Variants in KDR observed in about 807,000 individuals in gnomAD.
KDR encodes vascular endothelial growth factor receptor 2.
Under a neutral mutation model 160.9 loss-of-function variants are expected in KDR, and 43 were observed. The ratio of observed to expected loss-of-function variants is 0.27; its 90% CI spans 0.21 to 0.34. KDR has a LOEUF of 0.34. Among genes scored for constraint, KDR ranks in the 10% least tolerant of loss-of-function variants. KDR has a pLI of 1.00. For synonymous variants in KDR, 617 were observed against 600.1 expected, an observed-to-expected ratio of 1.03 and a Z score of -0.41; for missense variants, 1,469 against 1,666.4, an observed-to-expected ratio of 0.88 and a Z score of 2.06.
chr4:55,083,626 G>A (rs1436627957), intron 27 of KDR, among the ~76,000 whole-genome samples: 1 of 151,846 alleles, frequency 6.6e-6, no homozygotes, highest in African/African-American at 2.4e-5. Context: ...CCAAGTGGAG[G>A]GAAGGGAAGT....
At chr4:55,120,975 C>A in intron 2 of KDR, 122 bp downstream of exon 2, 1 of 670,084 alleles carries the variant, frequency 1.5e-6, no homozygotes, top group Non-Finnish European at 2.6e-6. Context: ...TCTTAGAAAC[C>A]TCACCACTTA....
chr4:55,109,458 G>C (rs1206472977), intron 9 of KDR, among the ~76,000 whole-genome samples: 2 of 152,062 alleles, frequency 1.3e-5, no homozygotes, highest in African/African-American at 2.4e-5. Flanking sequence ...AGGACACGTA[G>C]GGAAGCACCT....
intron 13 of KDR, 46 bp downstream of exon 13, chr4:55,104,597 G>T (rs1457591144): frequency 6.9e-7 from 1 of 1,455,908 alleles, no homozygotes; most frequent in South Asian, 1.2e-5. Flanking sequence ...CTACATTTAA[G>T]GCATTCCAAC....
At chr4:55,106,622 ATAT>A in intron 11 of KDR, 62 bp downstream of exon 11, 2 of 1,177,880 alleles carry the variant, frequency 1.7e-6, no homozygotes. Flanking sequence ...TATGCCTCAC[ATAT>A]TATTGTACCA....
At chr4:55,089,631 A>G (rs1578128214) in intron 24 of KDR, 60 bp downstream of exon 24, 2 of 1,502,596 alleles carry the variant, frequency 1.3e-6, no homozygotes, top group East Asian at 4.5e-5. Flanking sequence ...AGGAGAGGAA[A>G]AGACAACTTT....
chr4:55,116,262 C>A (rs1349105748), intron 3 of KDR, among the ~76,000 whole-genome samples: 1 of 151,734 alleles, frequency 6.6e-6, no homozygotes, highest in Non-Finnish European at 1.5e-5. Flanking sequence ...ACGAAAAATA[C>A]AAAAAATTAG....
At chr4:55,097,340 T>G (rs141947744) in intron 18 of KDR, among the ~76,000 whole-genome samples, 44 of 152,206 alleles carry the variant, frequency 2.9e-4, no homozygotes, top group African/African-American at 1.0e-3. Context: ...CACAATATAT[T>G]AAGAAACAAT....
intron 12 of KDR, among the ~76,000 whole-genome samples, chr4:55,105,459 C>T (rs1274178732): frequency 6.6e-6 from 1 of 152,124 alleles, no homozygotes; most frequent in Non-Finnish European, 1.5e-5. Context: ...CTCCTATGTC[C>T]TTCTGATTGC....
At chr4:55,107,201 C>T (rs146370516) in intron 10 of KDR, among the ~76,000 whole-genome samples, 48 of 152,210 alleles carry the variant, frequency 3.2e-4, no homozygotes, top group African/African-American at 1.2e-3. Flanking sequence ...CTCATAGTGG[C>T]CATTTCAAAA....
intron 27 of KDR, among the ~76,000 whole-genome samples, chr4:55,086,211 A>G (rs1464666694): frequency 6.6e-6 from 1 of 152,180 alleles, no homozygotes; most frequent in Non-Finnish European, 1.5e-5. Flanking sequence ...CATCTCAAGG[A>G]TGTGATTTTA....
intron 7 of KDR, among the ~76,000 whole-genome samples, chr4:55,112,829 C>T (rs1384553619): frequency 6.6e-6 from 1 of 152,114 alleles, no homozygotes; most frequent in African/African-American, 2.4e-5. Flanking sequence ...CGCGCCCGGC[C>T]TATACATGGA....
chr4:55,088,418 T>C (rs1420691513), intron 26 of KDR, among the ~76,000 whole-genome samples: 1 of 152,196 alleles, frequency 6.6e-6, no homozygotes, highest in Admixed American at 6.5e-5. Context: ...ATTCTAATAG[T>C]AAACACTACA....
chr4:55,079,858 T>C lies in KDR; in HGVS notation c.*83A>G, dbSNP rs1213495591. The C allele has an allele frequency of 1.4e-5, 17 of 1,249,338 alleles. No homozygotes were observed. The highest frequency in any genetic ancestry group is 1.9e-5 in the Non-Finnish European group (16 of 848,596). 77.4% of individuals were successfully genotyped at this position (1,249,338 alleles called of 1,614,324 possible). A position where few individuals can be genotyped will look rare whatever the true frequency, so the allele number is the denominator to read the frequency against. On this transcript the variant is annotated 3_prime_UTR_variant, in exon 30 of 30. Transcript: ENST00000263923. The stretch of plus-strand genomic sequence containing the variant: ...ATGAAAATCAAATGCGGCTACTTCC[T>C]GCTGGTGGAAAGAACAACACTTGAA...
intron 1 of KDR, among the ~76,000 whole-genome samples, chr4:55,123,453 T>C (rs558328148): frequency 1.3e-5 from 2 of 152,216 alleles, no homozygotes; most frequent in South Asian, 2.1e-4. Context: ...CTTTCCTGTG[T>C]AACAAATATT....
At chr4:55,105,461 T>TCTGATTGCCTCCATAAAGCCCACC (rs1469620628) in intron 12 of KDR, among the ~76,000 whole-genome samples, 3 of 152,184 alleles carry the variant, frequency 2.0e-5, no homozygotes, top group Admixed American at 6.6e-5. Context: ...CCTATGTCCT[T>TCTGATTGCCTCCATAAAGCCCACC]CTGATTGCCT....
chr4:55,079,606 G>A lies in KDR; in HGVS notation c.*335C>T, dbSNP rs1008461733. 12 of 429,604 alleles carry A rather than the reference G, an allele frequency of 2.8e-5. No homozygotes were observed. Among genetic ancestry groups the A allele is most frequent in the Non-Finnish European group, 4.7e-5 (11 of 231,662 alleles). 26.6% of individuals were successfully genotyped at this position (429,604 alleles called of 1,614,324 possible). ...TTTTACAGAAGTGTCAGCTCCCCAGGTACTGCTACTTCTTTGAGGATGGGG... is the reference window on the plus strand; with the variant it reads ...TTTTACAGAAGTGTCAGCTCCCCAGATACTGCTACTTCTTTGAGGATGGGG... On this transcript the variant is annotated 3_prime_UTR_variant, in exon 30 of 30. Transcript: ENST00000263923.
chr4:55,096,363 G>A lies in KDR; in HGVS notation c.2615-21C>T, dbSNP rs755103201. 5 of 1,546,352 alleles carry A rather than the reference G, an allele frequency of 3.2e-6. No homozygotes were observed. The South Asian group carries it at 4.5e-5, about 14-fold the overall frequency. The stretch of plus-strand genomic sequence containing the variant: ...TCCTTCTACAAATACAGTACAAAGA[G>A]GGAAATCATAGGTATGGACATTTCC... On this transcript the variant is annotated intron_variant, in intron 18 of 29. Coordinates refer to ENST00000263923, the MANE Select transcript of KDR (RefSeq NM_002253.4).
In KDR at chr4:55,081,823, T is replaced by C; in HGVS notation, c.3848+133A>G. Reference sequence around the variant, plus strand: ...TTGTGTGGTTAGTTTCCATTCTTTATTTGTTAAATTGATGCTAATTTCTCC... The same window carrying C: ...TTGTGTGGTTAGTTTCCATTCTTTACTTGTTAAATTGATGCTAATTTCTCC... On this transcript the variant is annotated intron_variant, in intron 29 of 29. Coordinates refer to ENST00000263923, the MANE Select transcript of KDR (RefSeq NM_002253.4). 9.1e-6 allele frequency: 6 copies of C among 658,618 alleles called. No individual in the cohort carries two copies. The South Asian group carries it at 1.0e-4, about 11-fold the overall frequency. 40.8% of individuals were successfully genotyped at this position (658,618 alleles called of 1,614,324 possible). A position where few individuals can be genotyped will look rare whatever the true frequency, so the allele number is the denominator to read the frequency against.
intron 27 of KDR, 113 bp downstream of exon 27, chr4:55,087,494 G>C: frequency 1.1e-6 from 1 of 920,294 alleles, no homozygotes; most frequent in Admixed American, 2.1e-5. Flanking sequence ...CTAAGGTTAT[G>C]TGGAAGTGGG....
Sources: gnomAD v4.1 joint callset for allele counts (sites outside exome capture counted in the v4.1 genomes callset) on GRCh38, gnomAD v4.1.1 for gene constraint, MANE v1.5 for transcripts, NCBI Gene and HGNC (gene_info 2026-07-23, HGNC 2026-07-21) for gene names.